The following N4BP2 variants were observed in gnomAD, a reference collection of about 807,000 sequenced individuals.
N4BP2 encodes the protein NEDD4-binding protein 2.
N4BP2 carries 91 observed loss-of-function variants against 152.8 expected under a neutral mutation model. The ratio of observed to expected loss-of-function variants is 0.60; its 90% CI spans 0.50 to 0.71. The LOEUF is 0.71. Among genes scored for constraint, N4BP2 ranks in the 30% least tolerant of loss-of-function variants. N4BP2 has a pLI of 0.00. For missense variants in N4BP2, 1,923 were observed against 2,059.1 expected, an observed-to-expected ratio of 0.93 and a Z score of 1.28; for synonymous variants, 646 against 705.3, an observed-to-expected ratio of 0.92 and a Z score of 1.33.
chr4:40,098,912 A>T (rs920166917), intron 3 of N4BP2, among the ~76,000 whole-genome samples: 1 of 152,220 alleles, frequency 6.6e-6, no homozygotes, highest in Non-Finnish European at 1.5e-5. Context: ...ACTTAACATA[A>T]GCATTTGTCT....
At chr4:40,131,745 G>C in intron 12 of N4BP2, 56 bp from the exon 13 acceptor site, 1 of 1,273,700 alleles carries the variant, frequency 7.9e-7, no homozygotes. Context: ...CCTTTGGTCA[G>C]TGTTTCTAGT....
At chr4:40,150,016 T>G (rs1720996228) in intron 16 of N4BP2, among the ~76,000 whole-genome samples, 1 of 152,120 alleles carries the variant, frequency 6.6e-6, no homozygotes, top group African/African-American at 2.4e-5. Context: ...CCATCTCTAG[T>G]GCATGCTGCC....
intron 16 of N4BP2, among the ~76,000 whole-genome samples, 161 bp from the exon 17 acceptor site, chr4:40,152,618 CT>C (rs1721241362): frequency 6.6e-6 from 1 of 152,076 alleles, no homozygotes; most frequent in Non-Finnish European, 1.5e-5. Context: ...AATTTGGGGG[CT>C]TTTTGAGATA....
intron 1 of N4BP2, among the ~76,000 whole-genome samples, chr4:40,070,803 T>G (rs1712087238): frequency 6.6e-6 from 1 of 151,994 alleles, no homozygotes; most frequent in Non-Finnish European, 1.5e-5. Context: ...AAAATGTTTT[T>G]GATTGCTGTG....
intron 1 of N4BP2, among the ~76,000 whole-genome samples, chr4:40,061,445 A>G (rs150368230): frequency 0.028 from 4,235 of 151,768 alleles, 82 homozygotes; most frequent in Non-Finnish European, 0.043. Flanking sequence ...GCTCACTGCA[A>G]CCTCCGCCTC....
At position 40,154,639 on chromosome 4, in the gene N4BP2, G is replaced by C. The variant is rs1318620593; in HGVS notation, c.*402G>C. Reference sequence around the variant, plus strand: ...ACCTGATTCATGCCCCCCAAAGGGTGGTATTAAAAGAGGAAAAAGGACATA... The same window carrying C: ...ACCTGATTCATGCCCCCCAAAGGGTCGTATTAAAAGAGGAAAAAGGACATA... On this transcript the variant is annotated 3_prime_UTR_variant, in exon 18 of 18. Transcript: ENST00000261435. The C allele has an allele frequency of 6.3e-6, 1 of 157,946 alleles. No individual in the cohort carries two copies. The highest frequency in any genetic ancestry group is 2.4e-5 in the African/African-American group (1 of 41,478). 9.8% of individuals were successfully genotyped at this position (157,946 alleles called of 1,614,324 possible).
In N4BP2 at chr4:40,121,427, G is replaced by C; in HGVS notation, c.3316G>C (p.Ala1106Pro). Reference protein sequence around the residue: ...CKLFGSFSLEALKDLYERCNK... With the variant: ...CKLFGSFSLEPLKDLYERCNK... Reference sequence around the variant, plus strand: ...ACTGTTTGGATCCTTTTCATTAGAAGCCCTGAAAGACTTATATGAGAGGTG... The same window carrying C: ...ACTGTTTGGATCCTTTTCATTAGAACCCCTGAAAGACTTATATGAGAGGTG... Residue 1106 changes from alanine to proline, a missense_variant, in exon 9 of 18, where the codon GCC (alanine) becomes CCC (proline). By Grantham distance (27) the Ala-to-Pro change is conservative (BLOSUM62 -1). Transcript: ENST00000261435. The C allele has an allele frequency of 1.9e-6, 3 of 1,611,866 alleles. No homozygotes were observed. The highest frequency in any genetic ancestry group is 2.5e-6 in the Non-Finnish European group (3 of 1,179,384).
chr4:40,057,566 C>T (rs2109876870), intron 1 of N4BP2, among the ~76,000 whole-genome samples: 1 of 152,304 alleles, frequency 6.6e-6, no homozygotes, highest in East Asian at 1.9e-4. Context: ...TGCGGGGAGA[C>T]TTTCCCCTCC....
chr4:40,077,326 T>G (rs1015366514), intron 2 of N4BP2, among the ~76,000 whole-genome samples: 2 of 151,888 alleles, frequency 1.3e-5, no homozygotes, highest in Admixed American at 6.6e-5. Context: ...TTTTGTATTT[T>G]TAGTGGAGAC....
intron 11 of N4BP2, among the ~76,000 whole-genome samples, chr4:40,124,527 A>G (rs2110003105): frequency 6.6e-6 from 1 of 152,108 alleles, no homozygotes; most frequent in South Asian, 2.1e-4. Flanking sequence ...TTGTATTTTT[A>G]GTAGAGACGG....
At chr4:40,184,958 A>AAAATAAATAAAT in the N4BP2 span, among the ~76,000 whole-genome samples, 1 of 151,510 alleles carries the variant, frequency 6.6e-6, no homozygotes, top group Non-Finnish European at 1.5e-5. Flanking sequence ...TCTGTCTCAA[A>AAAATAAATAAAT]AAATAAATAA....
rs963143034 is a variant in N4BP2, at chr4:40,156,822, A to G, written c.*2585A>G. On this transcript the variant is annotated 3_prime_UTR_variant, in exon 18 of 18. Transcript: ENST00000261435. Reference sequence around the variant, plus strand: ...AGGAAATACTCACAGAGCATTTTACATTTGTAGGTTAGCGATACTCAACAA... The same window carrying G: ...AGGAAATACTCACAGAGCATTTTACGTTTGTAGGTTAGCGATACTCAACAA... 1.3e-5 allele frequency: 2 copies of G among 152,160 alleles called. No homozygotes were observed. The highest frequency in any genetic ancestry group is 1.3e-4 in the Admixed American group (2 of 15,272). 9.4% of individuals were successfully genotyped at this position (152,160 alleles called of 1,614,324 possible). A position where few individuals can be genotyped will look rare whatever the true frequency, so the allele number is the denominator to read the frequency against.
intron 14 of N4BP2, among the ~76,000 whole-genome samples, chr4:40,141,270 A>AC (rs1719917441): frequency 6.8e-6 from 1 of 147,532 alleles, no homozygotes; most frequent in Admixed American, 6.7e-5. Context: ...GCGGTGGGTG[A>AC]CCCCCACCTC....
intron 2 of N4BP2, among the ~76,000 whole-genome samples, chr4:40,077,215 C>T (rs1035206106): frequency 1.3e-5 from 2 of 151,934 alleles, no homozygotes; most frequent in Admixed American, 1.3e-4. Context: ...TGCTGGAGTG[C>T]AGTGGCGTAA....
At chr4:40,146,283 G>A (rs1288825594) in intron 16 of N4BP2, among the ~76,000 whole-genome samples, 1 of 152,078 alleles carries the variant, frequency 6.6e-6, no homozygotes, top group Non-Finnish European at 1.5e-5. Flanking sequence ...GTCTCACCCT[G>A]TGTTTTTTTC....
At chr4:40,143,324 A>AT (rs1194827502) in intron 15 of N4BP2, among the ~76,000 whole-genome samples, 3 of 151,918 alleles carry the variant, frequency 2.0e-5, no homozygotes, top group Non-Finnish European at 4.4e-5. Context: ...TTATTTATTT[A>AT]TTTTTTTAAG....
rs1717893981 is a variant in N4BP2, at chr4:40,121,379, G to GA, written c.3272dup (p.Asn1091LysfsTer3). On this transcript the variant is annotated frameshift_variant, in exon 9 of 18. Coordinates refer to ENST00000261435, the MANE Select transcript of N4BP2 (RefSeq NM_018177.6). LOFTEE classifies it high-confidence loss of function. ...TGAGCTTACCAGTGCAGATGAATCTGAAAATCTTAACATTCTTTGTAAACT... is the reference window on the plus strand; with the variant it reads ...TGAGCTTACCAGTGCAGATGAATCTGAAAAATCTTAACATTCTTTGTAAACT... 1 of 1,613,098 alleles carries GA rather than the reference G, an allele frequency of 6.2e-7. No individual in the cohort carries two copies. The highest frequency in any genetic ancestry group is 8.5e-7 in the Non-Finnish European group (1 of 1,179,762).
At chr4:40,181,987 C>T in the N4BP2 span, among the ~76,000 whole-genome samples, 2 of 152,140 alleles carry the variant, frequency 1.3e-5, no homozygotes, top group Non-Finnish European at 2.9e-5. Flanking sequence ...TACTTCTTCC[C>T]ATTAAAGACA....
chr4:40,180,621 G>A, the N4BP2 span, among the ~76,000 whole-genome samples: 299 of 152,162 alleles, frequency 2.0e-3, no homozygotes, highest in African/African-American at 6.0e-3. Context: ...ATTACAAAAC[G>A]TGTTACATCA....
Sources: gnomAD v4.1 joint callset for allele counts (sites outside exome capture counted in the v4.1 genomes callset) on GRCh38, gnomAD v4.1.1 for gene constraint, MANE v1.5 for transcripts, NCBI Gene and HGNC (gene_info 2026-07-23, HGNC 2026-07-21) for gene names.